TMEM132D: variants seen among roughly 807,000 people sequenced by gnomAD.
TMEM132D encodes transmembrane protein 132D, also known as mature OL transmembrane protein.
In TMEM132D, 21 loss-of-function variants were observed where a neutral mutation model predicts 62.3. The observed-to-expected ratio is 0.34, with a 90% CI of 0.24 to 0.49. The LOEUF is 0.49. TMEM132D is among the 20% of genes least tolerant of loss of function. The pLI is 0.99. For synonymous variants in TMEM132D, 621 were observed against 575.6 expected (o/e 1.08, Z -1.13); for missense variants, 1,346 against 1,402.8 (o/e 0.96, Z 0.65).
intron 1 of TMEM132D, among the ~76,000 whole-genome samples, chr12:129,751,312 CAT>C (rs1409880191): frequency 6.6e-6 from 1 of 152,128 alleles, no homozygotes; most frequent in East Asian, 1.9e-4. Flanking sequence ...CGAGTGGGCA[CAT>C]GACGCACTTT....
chr12:129,497,532 T>C (rs2137064681), intron 3 of TMEM132D, among the ~76,000 whole-genome samples: 1 of 152,244 alleles, frequency 6.6e-6, no homozygotes. Context: ...TCTCCTCCTT[T>C]AACCTCTCTA....
intron 4 of TMEM132D, among the ~76,000 whole-genome samples, chr12:129,289,044 TA>T (rs1881374923): frequency 3.9e-5 from 6 of 152,212 alleles, no homozygotes; most frequent in Admixed American, 3.9e-4. Flanking sequence ...TGGAGGTCTC[TA>T]AAATAGTCAA....
chr12:129,704,429 G>A (rs918822312), intron 1 of TMEM132D, among the ~76,000 whole-genome samples: 2 of 152,230 alleles, frequency 1.3e-5, no homozygotes, highest in East Asian at 1.9e-4. Flanking sequence ...GGGGCGCCGC[G>A]CTGCACAGAA....
intron 5 of TMEM132D, chr12:129,208,776 G>C (rs1878934333): frequency 6.6e-6 from 1 of 152,244 alleles, no homozygotes; most frequent in Admixed American, 6.5e-5. Context: ...AGTGGGCGGA[G>C]GCAGCCTGGG....
rs1385207162 is a variant in TMEM132D, at chr12:129,815,000, T to C, written c.79+88261A>G. On this transcript the variant is annotated intron_variant, in intron 1 of 8. Coordinates refer to ENST00000422113, the MANE Select transcript of TMEM132D (RefSeq NM_133448.3). Reference sequence around the variant, plus strand: ...TCCCTTCCATTTGTAATTACTTTTTTATCTGTTTGTAAATCTGTGGTCAAT... The same window carrying C: ...TCCCTTCCATTTGTAATTACTTTTTCATCTGTTTGTAAATCTGTGGTCAAT... Among the ~76,000 whole-genome samples, 16 of 152,208 alleles carry C rather than the reference T, an allele frequency of 1.1e-4. 1 individual carries two copies. Among genetic ancestry groups the C allele is most frequent in the Admixed American group, 1.0e-3 (16 of 15,288 alleles).
chr12:129,783,644 T>C (rs901405985), intron 1 of TMEM132D, among the ~76,000 whole-genome samples: 4 of 152,194 alleles, frequency 2.6e-5, no homozygotes, highest in South Asian at 2.1e-4. Context: ...GGTGTTTCCA[T>C]TGGAACCAAA....
intron 4 of TMEM132D, among the ~76,000 whole-genome samples, chr12:129,257,509 C>T (rs1185436432): frequency 6.6e-6 from 1 of 152,152 alleles, no homozygotes; most frequent in Non-Finnish European, 1.5e-5. Context: ...GTGCCCGGCC[C>T]ATCCCCTGGT....
intron 2 of TMEM132D, among the ~76,000 whole-genome samples, chr12:129,602,899 C>T (rs902064265): frequency 5.9e-5 from 9 of 152,114 alleles, no homozygotes; most frequent in African/African-American, 1.7e-4. Context: ...GAAGCAAACA[C>T]GATGGAGAGG....
chr12:129,559,766 TA>T (rs1877163473), intron 2 of TMEM132D, among the ~76,000 whole-genome samples: 1 of 152,224 alleles, frequency 6.6e-6, no homozygotes, highest in South Asian at 2.1e-4. Context: ...TCTTTAATAT[TA>T]AGCCTGCCTT....
chr12:129,878,578 T>C (rs1335188900), intron 1 of TMEM132D, among the ~76,000 whole-genome samples: 2 of 80,782 alleles, frequency 2.5e-5, no homozygotes, highest in African/African-American at 3.6e-5. Context: ...TGCTGCAGAT[T>C]GCTTTTTTTT....
chr12:129,107,971 G>A (rs1875555594), intron 5 of TMEM132D, among the ~76,000 whole-genome samples: 1 of 152,008 alleles, frequency 6.6e-6, no homozygotes, highest in South Asian at 2.1e-4. Flanking sequence ...AGCATTACAG[G>A]TGTGAGCCAC....
rs200556802 is a variant in TMEM132D, at chr12:129,246,778, AAGAT to A, written c.1300-37119_1300-37116del. The stretch of plus-strand genomic sequence containing the variant: ...AAGACTCTATCTCAAAAAAAAAAAA[AAGAT>A]AGAAAGTAGGCACATGGTATCAAGA... On this transcript the variant is annotated intron_variant, in intron 4 of 8. Coordinates refer to ENST00000422113, the MANE Select transcript of TMEM132D (RefSeq NM_133448.3). Among the ~76,000 whole-genome samples, 3 of 149,656 alleles carry A rather than the reference AAGAT, an allele frequency of 2.0e-5. No individual in the cohort carries two copies. The South Asian group carries it at 6.4e-4, about 32-fold the overall frequency.
At chr12:129,537,270 A>T (rs749075151) in intron 2 of TMEM132D, among the ~76,000 whole-genome samples, 1 of 152,200 alleles carries the variant, frequency 6.6e-6, no homozygotes, top group Non-Finnish European at 1.5e-5. Flanking sequence ...CAAAACATAC[A>T]TGAAAATGCA....
At chr12:129,116,892 T>C (rs1875907901) in intron 5 of TMEM132D, among the ~76,000 whole-genome samples, 1 of 123,634 alleles carries the variant, frequency 8.1e-6, no homozygotes, top group Non-Finnish European at 1.6e-5. Context: ...TCCTTGGCAT[T>C]TACCCAAATG....
chr12:129,284,174 T>A (rs547733576), intron 4 of TMEM132D, among the ~76,000 whole-genome samples: 2 of 152,304 alleles, frequency 1.3e-5, no homozygotes, highest in African/African-American at 4.8e-5. Context: ...TGAAGATCCA[T>A]CTACATCATC....
chr12:129,514,904 G>A (rs1168223647), intron 3 of TMEM132D, among the ~76,000 whole-genome samples: 2 of 152,154 alleles, frequency 1.3e-5, no homozygotes, highest in Non-Finnish European at 2.9e-5. Flanking sequence ...TATACTCCAT[G>A]ATTAGTGATG....
intron 3 of TMEM132D, among the ~76,000 whole-genome samples, chr12:129,389,696 A>C (rs1346343726): frequency 2.0e-5 from 3 of 152,250 alleles, no homozygotes; most frequent in Non-Finnish European, 4.4e-5. Context: ...GTTATAAATA[A>C]TAACAGCTAA....
At chr12:129,132,640 T>C (rs1261882625) in intron 5 of TMEM132D, among the ~76,000 whole-genome samples, 2 of 152,228 alleles carry the variant, frequency 1.3e-5, no homozygotes, top group African/African-American at 4.8e-5. Flanking sequence ...TCTCAGTGTG[T>C]ATGCATTCAA....
chr12:129,738,380 G>A (rs905213355), intron 1 of TMEM132D, among the ~76,000 whole-genome samples: 1 of 152,052 alleles, frequency 6.6e-6, no homozygotes, highest in Non-Finnish European at 1.5e-5. Context: ...GAGAGAAAAG[G>A]GAGGAAGAAA....
Sources: gnomAD v4.1 joint callset for allele counts (sites outside exome capture counted in the v4.1 genomes callset) on GRCh38, gnomAD v4.1.1 for gene constraint, MANE v1.5 for transcripts, NCBI Gene and HGNC (gene_info 2026-07-23, HGNC 2026-07-21) for gene names.